DYNLRB2: variants seen among roughly 807,000 people sequenced by gnomAD.
The protein encoded by DYNLRB2 is bithoraxoid-like protein.
Under a neutral mutation model 12.6 loss-of-function variants are expected in DYNLRB2, and 14 were observed. The observed-to-expected ratio is 1.11, with a 90% CI of 0.73 to 1.73. DYNLRB2 has a LOEUF of 1.73. Among genes scored for constraint, DYNLRB2 ranks in the 40% most tolerant of loss-of-function variants. The pLI is 0.00. For synonymous variants in DYNLRB2, 53 were observed against 37.0 expected, an observed-to-expected ratio of 1.43 and a Z score of -1.57; for missense variants, 142 against 117.7, an observed-to-expected ratio of 1.21 and a Z score of -0.95.
At chr16:80,541,122 G>T (rs770428374) in intron 1 of DYNLRB2, 43 bp downstream of exon 1, 6 of 1,601,280 alleles carry the variant, frequency 3.7e-6, no homozygotes, top group Non-Finnish European at 5.1e-6. Context: ...TTCCAAGCAC[G>T]CCGACCGTCA....
chr16:80,548,670 C>T (rs547759608), intron 2 of DYNLRB2, among the ~76,000 whole-genome samples: 1 of 149,682 alleles, frequency 6.7e-6, no homozygotes, highest in Non-Finnish European at 1.5e-5. Context: ...TGCAATGAGC[C>T]AAGATCATGC....
At chr16:80,547,367 T>C (rs1904538128) in intron 2 of DYNLRB2, among the ~76,000 whole-genome samples, 1 of 152,178 alleles carries the variant, frequency 6.6e-6, no homozygotes, top group South Asian at 2.1e-4. Context: ...TTTTATACCA[T>C]GTGCTAAAAT....
chr16:80,544,096 C>T (rs1238256882), intron 2 of DYNLRB2, among the ~76,000 whole-genome samples: 1 of 152,138 alleles, frequency 6.6e-6, no homozygotes, highest in Non-Finnish European at 1.5e-5. Context: ...TGTGGTGCAA[C>T]CATGGAATTG....
intron 3 of DYNLRB2, 82 bp from the exon 4 acceptor site, chr16:80,550,433 T>A (rs1382066130): frequency 6.5e-7 from 1 of 1,542,296 alleles, no homozygotes; most frequent in Non-Finnish European, 9.0e-7. Flanking sequence ...TGTGATGTTT[T>A]GAAGAAAAAA....
intron 1 of DYNLRB2, among the ~76,000 whole-genome samples, chr16:80,542,016 A>G (rs897178247): frequency 1.3e-5 from 2 of 152,184 alleles, no homozygotes; most frequent in Non-Finnish European, 1.5e-5. Flanking sequence ...TTCAGACTAC[A>G]TACAGGAGAA....
At chr16:80,549,943 G>C (rs1412246626) in intron 3 of DYNLRB2, among the ~76,000 whole-genome samples, 2 of 152,134 alleles carry the variant, frequency 1.3e-5, no homozygotes, top group Non-Finnish European at 2.9e-5. Flanking sequence ...TTAGCATACA[G>C]ACTCTGCAGA....
upstream of DYNLRB2, chr16:80,540,943 C>G (rs574675369): frequency 2.6e-6 from 4 of 1,515,972 alleles, no homozygotes; most frequent in Non-Finnish European, 2.7e-6. Context: ...AGCCGACTCG[C>G]GAGCGCGCAG....
rs750703669 is a variant in DYNLRB2, at chr16:80,549,648, C to T, written c.244C>T (p.Pro82Ser). The change falls in exon 3 of 4, where the codon CCA becomes TCA. Residue 82 changes from proline (P) to serine (S), a missense_variant. By Grantham distance (74) the Pro-to-Ser change is moderately conservative (BLOSUM62 -1). Transcript: ENST00000305904. ...AAAGAAACATGAAATCATGGTAGCT[C>T]CAGGTAATTTGGCATTTCATTTCCT... ...RSKKHEIMVA[P>S]DKEYLLIVIQ... is the part of the protein sequence containing the mutation. The T allele has an allele frequency of 4.8e-5, 77 of 1,587,644 alleles. 1 individual carries two copies. The Admixed American group carries it at 1.3e-3, about 27-fold the overall frequency.
At chr16:80,541,438 A>G in intron 1 of DYNLRB2, 1 of 974,282 alleles carries the variant, frequency 1.0e-6, no homozygotes, top group Non-Finnish European at 1.2e-6. Flanking sequence ...TGGAGAGGAA[A>G]AAAAATCAGA....
At chr16:80,540,820 C>A, upstream of DYNLRB2, 1 of 713,932 alleles carries the variant, frequency 1.4e-6, no homozygotes, top group Non-Finnish European at 2.6e-6. Flanking sequence ...TCTTCCCTCC[C>A]GGGACCCACT....
At chr16:80,550,142 G>A (rs887934695) in intron 3 of DYNLRB2, among the ~76,000 whole-genome samples, 1 of 152,218 alleles carries the variant, frequency 6.6e-6, no homozygotes, top group Non-Finnish European at 1.5e-5. Flanking sequence ...TGGGACCTAT[G>A]CCACTAAACT....
intron 2 of DYNLRB2, among the ~76,000 whole-genome samples, chr16:80,547,265 A>G (rs539353795): frequency 3.9e-5 from 6 of 152,216 alleles, no homozygotes; most frequent in Non-Finnish European, 7.4e-5. Context: ...AAGATTACAA[A>G]CACAAACACA....
In DYNLRB2 at chr16:80,550,626, A is replaced by C; in HGVS notation, c.*68A>C. ...ACACTTGGCTCTCTCATGAGTATTA[A>C]AATTCTATTTCAATCTAACTGACCC... On this transcript the variant is annotated 3_prime_UTR_variant, in exon 4 of 4. Coordinates refer to ENST00000305904, the MANE Select transcript of DYNLRB2 (RefSeq NM_130897.3). The C allele has an allele frequency of 6.5e-7, 1 of 1,539,214 alleles. No homozygotes were observed. The highest frequency in any genetic ancestry group is 9.0e-7 in the Non-Finnish European group (1 of 1,112,724).
chr16:80,550,631 C>T lies in DYNLRB2; in HGVS notation c.*73C>T. 6.7e-7 allele frequency: 1 copy of T among 1,483,562 alleles called. No individual in the cohort carries two copies. Among genetic ancestry groups the T allele is most frequent in the Non-Finnish European group, 9.4e-7 (1 of 1,062,162 alleles). 91.9% of individuals were successfully genotyped at this position (1,483,562 alleles called of 1,614,324 possible). On this transcript the variant is annotated 3_prime_UTR_variant, in exon 4 of 4. Coordinates refer to ENST00000305904, the MANE Select transcript of DYNLRB2 (RefSeq NM_130897.3). ...TGGCTCTCTCATGAGTATTAAAATT[C>T]TATTTCAATCTAACTGACCCTTCAA...
rs201988344 is a variant in DYNLRB2 at position 80,550,585 on chromosome 16, C to A, written c.*27C>A. 6.2e-7 allele frequency: 1 copy of A among 1,613,836 alleles called. No individual in the cohort carries two copies. The highest frequency in any genetic ancestry group is 1.3e-5 in the African/African-American group (1 of 75,046). The stretch of plus-strand genomic sequence containing the variant: ...CCTGCGATGGCCAAGGCTGTTTAAG[C>A]GACACTGGGTTGGAAACACTTGGCT... On this transcript the variant is annotated 3_prime_UTR_variant, in exon 4 of 4. Coordinates refer to ENST00000305904, the MANE Select transcript of DYNLRB2 (RefSeq NM_130897.3).
At chr16:80,550,448 A>C in intron 3 of DYNLRB2, 67 bp from the exon 4 acceptor site, 1 of 1,584,754 alleles carries the variant, frequency 6.3e-7, no homozygotes, top group Non-Finnish European at 8.7e-7. Context: ...AAAAAAGAAG[A>C]CTAGTTGAAA....
intron 2 of DYNLRB2, among the ~76,000 whole-genome samples, chr16:80,547,571 G>A (rs560208385): frequency 6.6e-6 from 1 of 152,246 alleles, no homozygotes; most frequent in South Asian, 2.1e-4. Flanking sequence ...ATAGACCTGA[G>A]CATCTGATTC....
intron 2 of DYNLRB2, among the ~76,000 whole-genome samples, chr16:80,547,490 GT>G (rs1904547549): frequency 9.0e-6 from 1 of 111,714 alleles, no homozygotes; most frequent in Admixed American, 9.9e-5. Context: ...AACTCCATGT[GT>G]TTCCACCGTG....
chr16:80,540,816 C>T (rs1184952994), upstream of DYNLRB2: 2 of 711,924 alleles, frequency 2.8e-6, no homozygotes, highest in East Asian at 5.4e-5. Context: ...TCCCTCTTCC[C>T]TCCCGGGACC....
Sources: allele counts gnomAD v4.1 joint callset (sites outside exome capture counted in the v4.1 genomes callset), GRCh38; gene constraint gnomAD v4.1.1; transcripts MANE v1.5; gene names NCBI Gene and HGNC (gene_info 2026-07-23, HGNC 2026-07-21).